The following KCNAB1 variants were observed in gnomAD, a reference collection of about 807,000 sequenced individuals.
KCNAB1 encodes potassium voltage-gated channel subfamily A regulatory beta subunit 1, also known as voltage-gated potassium channel subunit beta-1.
Under a neutral mutation model 64.6 loss-of-function variants are expected in KCNAB1, and 35 were observed. That is an observed-to-expected ratio of 0.54 (90% CI 0.41 to 0.72). KCNAB1 has a LOEUF of 0.72. Among genes scored for constraint, KCNAB1 ranks in the 30% least tolerant of loss-of-function variants. KCNAB1 has a pLI of 0.00. For missense variants in KCNAB1, 401 were observed against 512.9 expected (o/e 0.78, Z 2.11); for synonymous variants, 177 against 183.8 (o/e 0.96, Z 0.30).
At chr3:156,192,616 CT>C (rs888516472) in intron 1 of KCNAB1, among the ~76,000 whole-genome samples, 54 of 151,930 alleles carry the variant, frequency 3.6e-4, no homozygotes, top group African/African-American at 1.3e-3. Context: ...ATAAATTTGC[CT>C]TTTTTTGGCA....
chr3:156,502,441 G>A (rs987668490), intron 8 of KCNAB1, among the ~76,000 whole-genome samples: 1 of 151,318 alleles, frequency 6.6e-6, no homozygotes, highest in Non-Finnish European at 1.5e-5. Context: ...AGTGGGAAAA[G>A]AAGGGACTAT....
At chr3:156,118,268 G>A (rs535394130), upstream of KCNAB1, 34 of 451,954 alleles carry the variant, frequency 7.5e-5, no homozygotes, top group South Asian at 5.2e-4. Flanking sequence ...CAAGCTGGCT[G>A]TTGTCTGGAA....
chr3:156,538,709 C>T (rs1719247602), downstream of KCNAB1: 1 of 152,154 alleles, frequency 6.6e-6, no homozygotes, highest in Admixed American at 6.5e-5. Context: ...AGGCAATAAT[C>T]ATCTAAATAA....
rs1257782168 is a variant in KCNAB1 at position 156,428,488 on chromosome 3, T to TATACACACAC, written c.319+6830_319+6831insTACACACACA. Among the ~76,000 whole-genome samples the TATACACACAC allele has an allele frequency of 3.1e-5, 4 of 127,568 alleles. No individual in the cohort carries two copies. In the East Asian group the frequency reaches 6.6e-4, roughly 21 times the overall value. 83.7% of individuals were successfully genotyped at this position (127,568 alleles called of 152,430 possible). ...GAGCCAATTCCTTATAATTCCTCTATACACACACACACACACACACACACA... is the reference window on the plus strand; with the variant it reads ...GAGCCAATTCCTTATAATTCCTCTATATACACACACACACACACACACACACACACACACA... On this transcript the variant is annotated intron_variant, in intron 2 of 13. Coordinates refer to ENST00000490337, the MANE Select transcript of KCNAB1 (RefSeq NM_172160.3).
rs1018912292 is a variant in KCNAB1, at chr3:156,452,844, G to A, written c.320-55G>A. The A allele has an allele frequency of 8.8e-5, 118 of 1,341,896 alleles. No homozygotes were observed. The highest frequency in any genetic ancestry group is 1.6e-4 in the East Asian group (7 of 42,548). 83.1% of individuals were successfully genotyped at this position (1,341,896 alleles called of 1,614,324 possible). On this transcript the variant is annotated intron_variant, in intron 2 of 13. Coordinates refer to ENST00000490337, the MANE Select transcript of KCNAB1 (RefSeq NM_172160.3). This position sits in a 1 kb window ranked among gnomAD's most constrained non-coding sequence, Gnocchi z 4.6. Reference sequence around the variant, plus strand: ...CCAAAGTAAGAATTTCCCTTATTACGCACAATATTAGAAAAATGATGATGA... The same window carrying A: ...CCAAAGTAAGAATTTCCCTTATTACACACAATATTAGAAAAATGATGATGA...
chr3:156,412,562 A>G (rs1286403389), intron 1 of KCNAB1, among the ~76,000 whole-genome samples: 1 of 152,264 alleles, frequency 6.6e-6, no homozygotes, highest in African/African-American at 2.4e-5. Context: ...GCTAAGTATT[A>G]CGAGGAAGAC....
chr3:156,149,854 A>C (rs1410457923), intron 1 of KCNAB1, among the ~76,000 whole-genome samples: 3 of 152,114 alleles, frequency 2.0e-5, no homozygotes, highest in African/African-American at 7.2e-5. Context: ...CCCACCAAAA[A>C]CACCCTTTCA....
chr3:156,438,057 C>CTATTGCTTT (rs1196084188), intron 2 of KCNAB1, among the ~76,000 whole-genome samples: 1 of 152,224 alleles, frequency 6.6e-6, no homozygotes, highest in African/African-American at 2.4e-5. Flanking sequence ...AAACCAGAAT[C>CTATTGCTTT]TATTGCTTTG....
At chr3:156,307,567 G>T (rs1173268949) in intron 1 of KCNAB1, among the ~76,000 whole-genome samples, 1 of 152,066 alleles carries the variant, frequency 6.6e-6, no homozygotes, top group Non-Finnish European at 1.5e-5. Context: ...AAAATCAAGG[G>T]CTGTGAAATC....
At chr3:156,373,910 C>T (rs143092380) in intron 1 of KCNAB1, among the ~76,000 whole-genome samples, 1 of 152,308 alleles carries the variant, frequency 6.6e-6, no homozygotes, top group African/African-American at 2.4e-5. Context: ...AAGGGGCTGG[C>T]TCCCCAACTG....
At chr3:156,406,423 G>A (rs1714252564) in intron 1 of KCNAB1, among the ~76,000 whole-genome samples, 2 of 152,170 alleles carry the variant, frequency 1.3e-5, no homozygotes, top group South Asian at 4.1e-4. Context: ...AAAGAACCAT[G>A]AGAAGGGCAG....
intron 1 of KCNAB1, among the ~76,000 whole-genome samples, chr3:156,177,747 A>C (rs1269816354): frequency 6.7e-6 from 1 of 148,298 alleles, no homozygotes; most frequent in Non-Finnish European, 1.5e-5. Flanking sequence ...ACAGGCATGC[A>C]TATCTTCTTT....
chr3:156,436,477 T>C (rs1021724396), intron 2 of KCNAB1, among the ~76,000 whole-genome samples: 1 of 152,188 alleles, frequency 6.6e-6, no homozygotes, highest in African/African-American at 2.4e-5. Context: ...ATCTAGGTCT[T>C]TGAGGAATCA....
At chr3:156,228,640 G>A (rs1716332208) in intron 1 of KCNAB1, among the ~76,000 whole-genome samples, 1 of 152,156 alleles carries the variant, frequency 6.6e-6, no homozygotes, top group Admixed American at 6.5e-5. Context: ...TCCACTGAAA[G>A]GCTCCAAAGG....
intron 1 of KCNAB1, among the ~76,000 whole-genome samples, chr3:156,190,961 G>A (rs1430175486): frequency 6.6e-6 from 1 of 152,180 alleles, no homozygotes; most frequent in Non-Finnish European, 1.5e-5. Context: ...CCAAAGTGCT[G>A]GGATTACAGG....
At chr3:156,417,732 A>AAAAAAAAAAAAAAAAG (rs536216164) in intron 1 of KCNAB1, among the ~76,000 whole-genome samples, 1 of 151,928 alleles carries the variant, frequency 6.6e-6, no homozygotes, top group African/African-American at 2.4e-5. Context: ...AAAAAAAAAA[A>AAAAAAAAAAAAAAAAG]GCCTGGTGGC....
At chr3:156,287,349 C>CAAA (rs1159352986) in intron 1 of KCNAB1, among the ~76,000 whole-genome samples, 25 of 77,830 alleles carry the variant, frequency 3.2e-4, no homozygotes, top group East Asian at 1.1e-3. Flanking sequence ...ACCTCCGTAT[C>CAAA]AAAAAAAAAA....
chr3:156,394,520 G>A (rs951639296), intron 1 of KCNAB1, among the ~76,000 whole-genome samples: 7 of 152,150 alleles, frequency 4.6e-5, no homozygotes, highest in African/African-American at 1.4e-4. Flanking sequence ...AAGGGAGGCA[G>A]CTGCCACCAC....
intron 1 of KCNAB1, among the ~76,000 whole-genome samples, chr3:156,324,528 C>T (rs1298821669): frequency 6.6e-6 from 1 of 152,102 alleles, no homozygotes; most frequent in African/African-American, 2.4e-5. Context: ...TCAATAGATA[C>T]TATTGAGCAC....
Sources: allele counts gnomAD v4.1 joint callset (sites outside exome capture counted in the v4.1 genomes callset), GRCh38; gene constraint gnomAD v4.1.1; non-coding constraint Gnocchi (gnomAD v3.1); transcripts MANE v1.5; gene names NCBI Gene and HGNC (gene_info 2026-07-23, HGNC 2026-07-21).